Variants in PIK3C2G observed in about 807,000 individuals in gnomAD.
The protein encoded by PIK3C2G is phosphatidylinositol-4-phosphate 3-kinase catalytic subunit type 2 gamma.
Under a neutral mutation model 181.1 loss-of-function variants are expected in PIK3C2G, and 168 were observed. That is an observed-to-expected ratio of 0.93 (90% CI 0.82 to 1.05). The LOEUF (loss-of-function observed/expected upper bound fraction) is 1.05. Among genes scored for constraint, PIK3C2G ranks in the 50% least tolerant of loss-of-function variants. The pLI is 0.00. For synonymous variants in PIK3C2G, 573 were observed against 592.2 expected (o/e 0.97, Z 0.47); for missense variants, 1,869 against 1,732.8 (o/e 1.08, Z -1.40).
chr12:18,604,678 GAAA>G (rs1947918300), intron 30 of PIK3C2G, among the ~76,000 whole-genome samples: 1 of 152,072 alleles, frequency 6.6e-6, no homozygotes, highest in Non-Finnish European at 1.5e-5. Context: ...TAAGAAAATT[GAAA>G]TTATATCAAA....
At chr12:18,480,361 C>T (rs1939433617) in intron 18 of PIK3C2G, among the ~76,000 whole-genome samples, 1 of 152,110 alleles carries the variant, frequency 6.6e-6, no homozygotes, top group South Asian at 2.1e-4. Context: ...GTAAACAGGA[C>T]AGTCCCTTCT....
chr12:18,540,124 C>A (rs1944072669), intron 25 of PIK3C2G, among the ~76,000 whole-genome samples: 1 of 151,738 alleles, frequency 6.6e-6, no homozygotes, highest in South Asian at 2.1e-4. Context: ...CTCATGAATT[C>A]ATGAGCTCTT....
intron 26 of PIK3C2G, among the ~76,000 whole-genome samples, chr12:18,554,780 T>A (rs897626747): frequency 2.6e-5 from 4 of 152,130 alleles, no homozygotes; most frequent in African/African-American, 9.6e-5. Context: ...ACAAATTCAA[T>A]GCCGAACTAC....
chr12:18,426,327 T>A (rs1013926429), intron 18 of PIK3C2G, among the ~76,000 whole-genome samples: 2 of 152,166 alleles, frequency 1.3e-5, no homozygotes, highest in African/African-American at 4.8e-5. Flanking sequence ...TTGATTTTTT[T>A]TTGTGATTAT....
intron 24 of PIK3C2G, among the ~76,000 whole-genome samples, chr12:18,534,375 T>C (rs1943728901): frequency 1.3e-5 from 2 of 151,880 alleles, no homozygotes; most frequent in Admixed American, 1.3e-4. Context: ...CTCACCCCTA[T>C]TGGAAATCTG....
intron 31 of PIK3C2G, among the ~76,000 whole-genome samples, chr12:18,627,422 T>C (rs1949151175): frequency 6.6e-6 from 1 of 152,138 alleles, no homozygotes; most frequent in South Asian, 2.1e-4. Context: ...CTTTTTGAGA[T>C]GCCATGATTC....
chr12:18,354,637 G>T (rs149102916), intron 11 of PIK3C2G, among the ~76,000 whole-genome samples: 105 of 152,260 alleles, frequency 6.9e-4, no homozygotes, highest in Non-Finnish European at 1.6e-4. Context: ...CCCTCCTGAG[G>T]CCAAGCCAGT....
At chr12:18,455,442 G>A (rs907783665) in intron 18 of PIK3C2G, among the ~76,000 whole-genome samples, 1 of 151,976 alleles carries the variant, frequency 6.6e-6, no homozygotes, top group Non-Finnish European at 1.5e-5. Context: ...GCCTCTTTTG[G>A]TGTTTAAAAT....
the PIK3C2G span, among the ~76,000 whole-genome samples, chr12:18,716,253 G>GA: frequency 0.019 from 2,855 of 151,760 alleles, 80 homozygotes; most frequent in African/African-American, 0.065. Context: ...GGGGTGGGGG[G>GA]AAAAAACCAC....
chr12:18,428,893 C>A (rs1043642200), intron 18 of PIK3C2G, among the ~76,000 whole-genome samples: 7 of 152,086 alleles, frequency 4.6e-5, no homozygotes, highest in Non-Finnish European at 7.4e-5. Flanking sequence ...CATTATGTAA[C>A]AATTAATTAC....
chr12:18,705,969 G>A, the PIK3C2G span, among the ~76,000 whole-genome samples: 1 of 151,868 alleles, frequency 6.6e-6, no homozygotes, highest in African/African-American at 2.4e-5. Context: ...GCTCACACCT[G>A]TAATCCCAGC....
chr12:18,417,813 T>C (rs868374444), intron 16 of PIK3C2G, among the ~76,000 whole-genome samples: 38 of 152,190 alleles, frequency 2.5e-4, no homozygotes, highest in Middle Eastern at 3.4e-3. Flanking sequence ...TGTGGTGGTC[T>C]GGAACCAAAC....
chr12:18,358,137 G>T (rs1476055597), intron 11 of PIK3C2G, among the ~76,000 whole-genome samples: 1 of 152,150 alleles, frequency 6.6e-6, no homozygotes, highest in Non-Finnish European at 1.5e-5. Context: ...TGGATTATAT[G>T]GTAGTTCTAT....
intron 29 of PIK3C2G, among the ~76,000 whole-genome samples, chr12:18,593,223 A>C (rs1411090113): frequency 6.6e-6 from 1 of 151,938 alleles, no homozygotes; most frequent in Non-Finnish European, 1.5e-5. Context: ...CCTTATTTCC[A>C]AATAATATCA....
At chr12:18,532,588 G>A (rs1466643930) in intron 24 of PIK3C2G, among the ~76,000 whole-genome samples, 1 of 152,084 alleles carries the variant, frequency 6.6e-6, no homozygotes, top group Non-Finnish European at 1.5e-5. Context: ...TGTCTTCACT[G>A]AATTACTTTT....
the PIK3C2G span, among the ~76,000 whole-genome samples, chr12:18,673,789 T>G: frequency 6.6e-6 from 1 of 152,188 alleles, no homozygotes; most frequent in Non-Finnish European, 1.5e-5. Context: ...TTGGAAGCAT[T>G]CAGCTCCTCA....
the PIK3C2G span, among the ~76,000 whole-genome samples, chr12:18,677,464 A>T: frequency 6.6e-6 from 1 of 152,062 alleles, no homozygotes; most frequent in Non-Finnish European, 1.5e-5. Flanking sequence ...TAGAAGGCAG[A>T]CTGCTTGGCC....
intron 21 of PIK3C2G, among the ~76,000 whole-genome samples, chr12:18,496,979 T>G (rs1941064134): frequency 6.6e-6 from 1 of 152,204 alleles, no homozygotes; most frequent in Admixed American, 6.5e-5. Context: ...ACGAAATTTC[T>G]TATTTGTTTA....
At chr12:18,406,729 C>A (rs1256780197) in intron 16 of PIK3C2G, among the ~76,000 whole-genome samples, 3 of 152,020 alleles carry the variant, frequency 2.0e-5, no homozygotes, top group Admixed American at 1.3e-4. Flanking sequence ...GCATTTTATC[C>A]AGGGAAAAGA....
Sources: gnomAD v4.1 joint callset for allele counts (sites outside exome capture counted in the v4.1 genomes callset) on GRCh38, gnomAD v4.1.1 for gene constraint, MANE v1.5 for transcripts, NCBI Gene and HGNC (gene_info 2026-07-23, HGNC 2026-07-21) for gene names.